Variants in SUPT5H observed in about 807,000 individuals in gnomAD.
The protein encoded by SUPT5H is SPT5 homolog, DSIF elongation factor subunit, also known as transcription elongation factor SPT5.
In SUPT5H, 24 loss-of-function variants were observed where a neutral mutation model predicts 142.5. The ratio of observed to expected loss-of-function variants is 0.17; its 90% confidence interval spans 0.12 to 0.24. SUPT5H has a LOEUF of 0.24. Among genes scored for constraint, SUPT5H ranks in the 10% least tolerant of loss-of-function variants. The pLI is 1.00. For missense variants in SUPT5H, 893 were observed against 1,471.8 expected (o/e 0.61, Z 6.43); for synonymous variants, 546 against 553.0 (o/e 0.99, Z 0.18).
At chr19:39,471,335 C>T in intron 18 of SUPT5H, 22 bp from the exon 19 acceptor site, 1 of 1,614,028 alleles carries the variant, frequency 6.2e-7, no homozygotes. Context: ...ACCCCCACAG[C>T]CTCCCTGCTC....
rs746341931 is a variant in SUPT5H, at chr19:39,474,685, G to A, written c.2991G>A (p.Val997=). 6.2e-7 allele frequency: 1 copy of A among 1,613,746 alleles called. No individual in the cohort carries two copies. Among genetic ancestry groups the A allele is most frequent in the South Asian group, 1.1e-5 (1 of 91,012 alleles). The part of the protein sequence containing the change: ...KVRDTYLDTQ[V]VGQTGVIRSV... ...GGGACACCTACCTGGATACACAGGT[G>A]GTGGGACAGACAGGTGTCATCCGCA... Residue 997 remains valine, a synonymous_variant, in exon 28 of 30, where the codon GTG becomes GTA. Coordinates refer to ENST00000432763, the MANE Select transcript of SUPT5H (RefSeq NM_001111020.3). This position sits in a 1 kb window ranked among gnomAD's most constrained non-coding sequence, Gnocchi z 6.5.
intron 2 of SUPT5H, 77 bp downstream of exon 2, chr19:39,446,042 C>A: frequency 6.7e-7 from 1 of 1,485,228 alleles, no homozygotes; most frequent in East Asian, 2.3e-5. Context: ...GTGGGAGGCT[C>A]GAGGGGTTCA....
rs374247509 is a variant in SUPT5H, at chr19:39,469,214, C to T, written c.1237+42C>T. The T allele has an allele frequency of 7.1e-5, 114 of 1,613,992 alleles. No homozygotes were observed. Among genetic ancestry groups the T allele is most frequent in the Non-Finnish European group, 8.6e-5 (102 of 1,180,008 alleles). On this transcript the variant is annotated intron_variant, in intron 15 of 29. Coordinates refer to ENST00000432763, the MANE Select transcript of SUPT5H (RefSeq NM_001111020.3). The surrounding 1 kb of genome is among the most constrained non-coding windows in gnomAD (Gnocchi z 5.1). ...TATAACCTGGGCCAAGGAGCAGGGGCGGCCCATGGTGGCAACCCCCGAGTC... is the reference window on the plus strand; with the variant it reads ...TATAACCTGGGCCAAGGAGCAGGGGTGGCCCATGGTGGCAACCCCCGAGTC...
At position 39,473,544 on chromosome 19, in the gene SUPT5H, TCTGGTGTGTG is replaced by T. The variant is rs756770423; in HGVS notation, c.2492+34_2492+43del. The T allele has an allele frequency of 1.1e-5, 17 of 1,602,230 alleles. No individual in the cohort carries two copies. Among genetic ancestry groups the T allele is most frequent in the Middle Eastern group, 1.7e-4 (1 of 6,038 alleles). ...ACGGTGAGTCCAGGGTTCCCCAGGTTCTGGTGTGTGCTGGTGTGTGTGAGGGATGATGCTG... is the reference window on the plus strand; with the variant it reads ...ACGGTGAGTCCAGGGTTCCCCAGGTTCTGGTGTGTGTGAGGGATGATGCTG... On this transcript the variant is annotated intron_variant, in intron 25 of 29. Transcript: ENST00000432763. The surrounding 1 kb of genome is among the most constrained non-coding windows in gnomAD (Gnocchi z 5.8).
rs1302397379 is a variant in SUPT5H, at chr19:39,445,927, G to A, written c.37G>A (p.Glu13Lys). 6.2e-7 allele frequency: 1 copy of A among 1,613,558 alleles called. No individual in the cohort carries two copies. The highest frequency in any genetic ancestry group is 2.2e-5 in the East Asian group (1 of 44,898). Residue 13 changes from glutamate (E) to lysine (K), a missense_variant, in exon 2 of 30, where the codon GAG becomes AAG. Glu to Lys is a moderately conservative substitution (Grantham distance 56). Transcript: ENST00000432763. ...CGAGGACAGCAACTTTTCCGAGGAG[G>A]AGGACAGCGAGCGCAGCAGTGACGG... ...DSEDSNFSEE[E>K]DSERSSDGEE...
In SUPT5H at chr19:39,457,656, C is replaced by G. The variant is rs760553193; in HGVS notation, c.242-19C>G. 3 of 1,612,312 alleles carry G rather than the reference C, an allele frequency of 1.9e-6. No individual in the cohort carries two copies. Among genetic ancestry groups the G allele is most frequent in the Non-Finnish European group, 1.7e-6 (2 of 1,178,602 alleles). ...ATGAGGTCACCTTTGCCACTTACCA[C>G]TTGGCCTTTCCGTTTTAGATGTTGA... On this transcript the variant is annotated intron_variant, in intron 3 of 29. Coordinates refer to ENST00000432763, the MANE Select transcript of SUPT5H (RefSeq NM_001111020.3).
chr19:39,447,389 C>T (rs1017207300), intron 2 of SUPT5H, among the ~76,000 whole-genome samples: 16 of 151,394 alleles, frequency 1.1e-4, no homozygotes, highest in African/African-American at 3.6e-4. Context: ...GTTCCAGGAA[C>T]CAAAAAACCA....
rs761284905 is a variant in SUPT5H, at chr19:39,453,314, G to C, written c.76-42G>C. ...GGAACTTGGTTTTTGGATTTTTGGG[G>C]TAGCAGAATTCTGGTGCTACAACCC... On this transcript the variant is annotated intron_variant, in intron 2 of 29. Coordinates refer to ENST00000432763, the MANE Select transcript of SUPT5H (RefSeq NM_001111020.3). 4 of 1,545,092 alleles carry C rather than the reference G, an allele frequency of 2.6e-6. No individual in the cohort carries two copies. The South Asian group carries it at 4.9e-5, about 19-fold the overall frequency.
Position 39,476,658 on chromosome 19 carries a change from G to A in SUPT5H, c.*259G>A. The A allele has an allele frequency of 2.0e-6, 1 of 511,202 alleles. No individual in the cohort carries two copies. The highest frequency in any genetic ancestry group is 3.5e-6 in the Non-Finnish European group (1 of 284,096). 31.7% of individuals were successfully genotyped at this position (511,202 alleles called of 1,614,324 possible). On this transcript the variant is annotated 3_prime_UTR_variant, in exon 30 of 30. Transcript: ENST00000432763. ...TACCGTCTTTCAATAAAAAGAAGCT[G>A]TTTGGTCTAAAAGTGCGTGTGTGTG...
At chr19:39,450,597 A>C (rs1267180558) in intron 2 of SUPT5H, among the ~76,000 whole-genome samples, 1 of 152,228 alleles carries the variant, frequency 6.6e-6, no homozygotes, top group Non-Finnish European at 1.5e-5. Context: ...ATGTGCTTCT[A>C]GTTCAGGCTG....
intron 10 of SUPT5H, among the ~76,000 whole-genome samples, chr19:39,460,914 G>T (rs896146184): frequency 1.1e-4 from 17 of 152,028 alleles, no homozygotes; most frequent in Admixed American, 1.0e-3. Context: ...CCAGCCACTG[G>T]GTGTGACCCA....
In SUPT5H at chr19:39,473,570, GA is replaced by G. The variant is rs781037026; in HGVS notation, c.2492+50del. The stretch of plus-strand genomic sequence containing the variant: ...CTGGTGTGTGCTGGTGTGTGTGAGG[GA>G]TGATGCTGGGTGTCTGGGGCATTGG... On this transcript the variant is annotated intron_variant, in intron 25 of 29. Coordinates refer to ENST00000432763, the MANE Select transcript of SUPT5H (RefSeq NM_001111020.3). This position sits in a 1 kb window ranked among gnomAD's most constrained non-coding sequence, Gnocchi z 5.8. The G allele has an allele frequency of 1.3e-6, 2 of 1,572,832 alleles. No homozygotes were observed. The highest frequency in any genetic ancestry group is 2.3e-5 in the South Asian group (2 of 88,730).
intron 3 of SUPT5H, among the ~76,000 whole-genome samples, chr19:39,454,006 AAAG>A (rs1206064320): frequency 6.6e-6 from 1 of 152,232 alleles, no homozygotes; most frequent in Non-Finnish European, 1.5e-5. Context: ...GAATATTTAA[AAAG>A]AACATTTTGG....
At chr19:39,455,552 G>A (rs911836021) in intron 3 of SUPT5H, among the ~76,000 whole-genome samples, 11 of 151,724 alleles carry the variant, frequency 7.3e-5, no homozygotes, top group African/African-American at 2.7e-4. Flanking sequence ...GCAAGACTCG[G>A]TCTAAACAAA....
Position 39,471,366 on chromosome 19 carries a change from A to G in SUPT5H, c.1687A>G (p.Met563Val), listed in dbSNP as rs1291249963. Residue 563 changes from methionine (M) to valine (V), a missense_variant, in exon 19 of 30, where the codon ATG becomes GTG. This residue lies in a region of SUPT5H where 428 missense variants were observed against 763.5 expected (regional missense o/e 0.56). Transcript: ENST00000432763. ...TGCTCTCCCTCTGTAGGTGCTGAAC[A>G]TGTACGGGAAGGTGGTGACTGTCAG... ...LERETFQVLN[M>V]YGKVVTVRHQ... 1 of 1,614,124 alleles carries G rather than the reference A, an allele frequency of 6.2e-7. No homozygotes were observed. Among genetic ancestry groups the G allele is most frequent in the East Asian group, 2.2e-5 (1 of 44,874 alleles).
intron 10 of SUPT5H, among the ~76,000 whole-genome samples, chr19:39,461,762 TGTA>T (rs1450989389): frequency 3.4e-5 from 5 of 149,198 alleles, no homozygotes; most frequent in African/African-American, 5.0e-5. Context: ...AGTTGGAGGT[TGTA>T]GTGAGCCAAG....
intron 2 of SUPT5H, among the ~76,000 whole-genome samples, chr19:39,453,012 C>CAA (rs201092518): frequency 1.8e-5 from 2 of 109,334 alleles, no homozygotes; most frequent in Non-Finnish European, 1.9e-5. Flanking sequence ...GACTCTGTCT[C>CAA]AAAAAAAAAA....
At chr19:39,448,784 C>A (rs993339185) in intron 2 of SUPT5H, among the ~76,000 whole-genome samples, 1 of 152,044 alleles carries the variant, frequency 6.6e-6, no homozygotes, top group African/African-American at 2.4e-5. Context: ...CTCCAGTAAC[C>A]TGTTCATTTA....
In SUPT5H at chr19:39,474,653, A is replaced by G; in HGVS notation, c.2959A>G (p.Lys987Glu). Residue 987 changes from lysine to glutamate, a missense_variant, in exon 28 of 30, where the codon AAG (lysine) becomes GAG (glutamate). By Grantham distance (56) the Lys-to-Glu change is moderately conservative. Transcript: ENST00000432763. The surrounding 1 kb of genome is among the most constrained non-coding windows in gnomAD (Gnocchi z 6.5). ...SDWVTTDIQV[K>E]VRDTYLDTQV... ...CTGGGTAACCACTGACATTCAGGTG[A>G]AGGTGCGGGACACCTACCTGGATAC... The G allele has an allele frequency of 6.2e-7, 1 of 1,614,166 alleles. No homozygotes were observed. Among genetic ancestry groups the G allele is most frequent in the Non-Finnish European group, 8.5e-7 (1 of 1,180,014 alleles).
Sources: gnomAD v4.1 joint callset for allele counts (sites outside exome capture counted in the v4.1 genomes callset) on GRCh38, gnomAD v4.1.1 for gene constraint, gnomAD v4.1.1 regional missense constraint, Gnocchi (gnomAD v3.1) non-coding constraint, MANE v1.5 for transcripts, NCBI Gene and HGNC (gene_info 2026-07-23, HGNC 2026-07-21) for gene names.